Variants in FAM83F observed in about 807,000 individuals in gnomAD.
The protein encoded by FAM83F is protein FAM83F.
FAM83F carries 45 observed loss-of-function variants against 42.9 expected under a neutral mutation model. The ratio of observed to expected loss-of-function variants is 1.05; its 90% CI spans 0.83 to 1.35. The LOEUF is 1.35. Among genes scored for constraint, FAM83F ranks in the 40% most tolerant of loss-of-function variants. The probability of loss-of-function intolerance (pLI) is 0.00; values close to 1 mark genes in which losing one functional copy is unlikely to be tolerated. For synonymous variants in FAM83F, 306 were observed against 298.3 expected, an observed-to-expected ratio of 1.03 and a Z score of -0.27; for missense variants, 617 against 695.9, an observed-to-expected ratio of 0.89 and a Z score of 1.28.
rs1006957195 is a variant in FAM83F, at chr22:40,023,897, G to A, written c.1453+1934G>A. On this transcript the variant is annotated intron_variant, in intron 4 of 4. Transcript: ENST00000333407. This position sits in a 1 kb window ranked among gnomAD's most constrained non-coding sequence, Gnocchi z 4.1. Reference sequence around the variant, plus strand: ...AGACGAACACAGAGCAGCCTCCTCCGGTAAGGCTTCTGCCCACCTGGGTGG... The same window carrying A: ...AGACGAACACAGAGCAGCCTCCTCCAGTAAGGCTTCTGCCCACCTGGGTGG... Among the ~76,000 whole-genome samples the A allele has an allele frequency of 4.5e-4, 69 of 152,274 alleles. No homozygotes were observed. The highest frequency in any genetic ancestry group is 1.4e-3 in the African/African-American group (58 of 41,548).
chr22:40,022,063 T>C lies in FAM83F; in HGVS notation c.1453+100T>C, dbSNP rs2067526673. ...GCACTGCCTCATACCTGCAGAGGAG[T>C]AGATTCCATCTGTGGGCACAGAGAG... On this transcript the variant is annotated intron_variant, in intron 4 of 4. Coordinates refer to ENST00000333407, the MANE Select transcript of FAM83F (RefSeq NM_138435.4). The C allele has an allele frequency of 1.2e-5, 13 of 1,073,916 alleles. No homozygotes were observed. In the South Asian group the frequency reaches 1.8e-4, roughly 15 times the overall value. The allele number at this position is 1,073,916 out of a possible 1,614,324, so 66.5% of individuals were successfully genotyped here. A position where few individuals can be genotyped will look rare whatever the true frequency, so the allele number is the denominator to read the frequency against.
chr22:40,008,221 C>T (rs528378721), intron 1 of FAM83F, among the ~76,000 whole-genome samples: 44 of 152,364 alleles, frequency 2.9e-4, no homozygotes, highest in African/African-American at 7.7e-4. Context: ...AGCAGAGGAA[C>T]GACATCCCCA....
chr22:39,996,336 T>A (rs929454473), intron 1 of FAM83F, among the ~76,000 whole-genome samples: 3 of 152,116 alleles, frequency 2.0e-5, no homozygotes, highest in African/African-American at 7.2e-5. Flanking sequence ...AGCTTCCAGA[T>A]CAAATGTAGG....
At chr22:40,012,965 C>T (rs1601767216) in intron 1 of FAM83F, among the ~76,000 whole-genome samples, 1 of 144,738 alleles carries the variant, frequency 6.9e-6, no homozygotes, top group South Asian at 2.2e-4. Context: ...CACCTGTAGT[C>T]CCAGCTACTC....
At chr22:40,028,086 C>G (rs2145723900) in intron 4 of FAM83F, among the ~76,000 whole-genome samples, 1 of 152,374 alleles carries the variant, frequency 6.6e-6, no homozygotes, top group Middle Eastern at 3.4e-3. Flanking sequence ...CAGAGCCGCC[C>G]CAGACGTGCT....
intron 4 of FAM83F, among the ~76,000 whole-genome samples, chr22:40,026,382 T>A (rs2145723007): frequency 6.6e-6 from 1 of 152,174 alleles, no homozygotes; most frequent in South Asian, 2.1e-4. Context: ...TAGCCAGGCA[T>A]GGTGGCACTT....
At position 39,999,526 on chromosome 22, in the gene FAM83F, C is replaced by T. The variant is rs2958662; in HGVS notation, c.489+3995C>T. ...TTATCACAAACTGTCCAATCTCCTC[C>T]GCACCTCAATAGCTGCGTAAGGCAG... On this transcript the variant is annotated intron_variant, in intron 1 of 4. Transcript: ENST00000333407. Among the ~76,000 whole-genome samples the T allele has an allele frequency of 7.9e-5, 12 of 152,142 alleles. No homozygotes were observed. The East Asian group carries it at 1.9e-3, about 24-fold the overall frequency.
In FAM83F at chr22:40,038,241, G is replaced by A. The variant is rs2146252481; in HGVS notation, c.*8676G>A. The A allele has an allele frequency of 6.6e-6, 1 of 152,476 alleles. No individual in the cohort carries two copies. Among genetic ancestry groups the A allele is most frequent in the Non-Finnish European group, 1.5e-5 (1 of 68,120 alleles). 9.4% of individuals were successfully genotyped at this position (152,476 alleles called of 1,614,324 possible). ...GCACTTAACCTGGGGGAGAAGAACA[G>A]GGTAGGCTTCCTGGAGGAGGAGGTA... On this transcript the variant is annotated 3_prime_UTR_variant, in exon 5 of 5. Coordinates refer to ENST00000333407, the MANE Select transcript of FAM83F (RefSeq NM_138435.4).
At chr22:40,014,131 CTT>C (rs57224519) in intron 1 of FAM83F, among the ~76,000 whole-genome samples, 1 of 116,810 alleles carries the variant, frequency 8.6e-6, no homozygotes, top group Non-Finnish European at 1.7e-5. Context: ...TATTTCTTTT[CTT>C]TTTTTTTTTT....
rs11914082 is a variant in FAM83F at position 40,021,491 on chromosome 22, C to T, written c.981C>T (p.Tyr327=). 4,223 of 1,590,770 alleles carry T rather than the reference C, an allele frequency of 2.7e-3. 86 individuals are homozygous for T. In the African/African-American group the frequency reaches 0.047, roughly 18 times the overall value. Residue 327 remains tyrosine, a synonymous_variant, in exon 4 of 5, where the codon TAC becomes TAT. Transcript: ENST00000333407. The surrounding 1 kb of genome is among the most constrained non-coding windows in gnomAD (Gnocchi z 8.7). ...CTCGAAAGCTTATCAACCCCAAGTACGCCTTGGTGTCAGGCTGCCGCCACC... is the reference window on the plus strand; with the variant it reads ...CTCGAAAGCTTATCAACCCCAAGTATGCCTTGGTGTCAGGCTGCCGCCACC... ...TVARKLINPK[Y]ALVSGCRHPP...
At chr22:40,002,138 G>A (rs1426771638) in intron 1 of FAM83F, among the ~76,000 whole-genome samples, 3 of 152,198 alleles carry the variant, frequency 2.0e-5, no homozygotes, top group Non-Finnish European at 2.9e-5. Flanking sequence ...AGGTGCAGAG[G>A]CTTCCTTGTT....
At position 40,021,273 on chromosome 22, in the gene FAM83F, T is replaced by A. The variant is rs764615099; in HGVS notation, c.780-17T>A. ...CCTGGGCACATGTGTCTTGCTTTTC[T>A]GTCCCCACGTTCCCAGGTTCACCTG... On this transcript the variant is annotated splice_polypyrimidine_tract_variant and intron_variant, in intron 3 of 4. Coordinates refer to ENST00000333407, the MANE Select transcript of FAM83F (RefSeq NM_138435.4). This position sits in a 1 kb window ranked among gnomAD's most constrained non-coding sequence, Gnocchi z 8.7. The A allele has an allele frequency of 6.6e-7, 1 of 1,524,678 alleles. No individual in the cohort carries two copies. Among genetic ancestry groups the A allele is most frequent in the Non-Finnish European group, 8.8e-7 (1 of 1,132,112 alleles). The allele number at this position is 1,524,678 out of a possible 1,614,324, so 94.4% of individuals were successfully genotyped here.
intron 4 of FAM83F, among the ~76,000 whole-genome samples, chr22:40,022,874 C>T (rs2067530178): frequency 6.6e-6 from 1 of 152,226 alleles, no homozygotes. Context: ...TCCAGGACTC[C>T]TGCATTCCTG....
Position 39,995,275 on chromosome 22 carries a change from T to A in FAM83F, c.233T>A (p.Val78Asp). The A allele has an allele frequency of 6.5e-7, 1 of 1,535,118 alleles. No homozygotes were observed. Among genetic ancestry groups the A allele is most frequent in the Non-Finnish European group, 8.7e-7 (1 of 1,145,644 alleles). ...GCCTGGAGCCCCTACGAGGACGCCG[T>A]CCCCGCCGCCAACGCCCGGGGCAAG... is the stretch of plus-strand genomic sequence containing the variant. Reference protein sequence around the residue: ...RAAWSPYEDAVPAANARGKSK... With the variant: ...RAAWSPYEDADPAANARGKSK... The change falls in exon 1 of 5, where the codon GTC becomes GAC. Residue 78 changes from valine (V) to aspartate (D), a missense_variant. Val to Asp is a radical substitution (Grantham distance 152). Transcript: ENST00000333407. This position sits in a 1 kb window ranked among gnomAD's most constrained non-coding sequence, Gnocchi z 4.6.
rs538480596 is a variant in FAM83F, at chr22:40,027,636, A to G, written c.1454-1880A>G. Among the ~76,000 whole-genome samples the G allele has an allele frequency of 6.6e-5, 10 of 152,358 alleles. No homozygotes were observed. The South Asian group carries it at 2.1e-3, about 32-fold the overall frequency. On this transcript the variant is annotated intron_variant, in intron 4 of 4. Coordinates refer to ENST00000333407, the MANE Select transcript of FAM83F (RefSeq NM_138435.4). ...GTGAGCACTCAGGGAATGACAAGGG[A>G]CACAGAGTTTGTCCTCAAGCCAAGC...
chr22:40,025,635 C>G (rs879549078), intron 4 of FAM83F, among the ~76,000 whole-genome samples: 8 of 152,072 alleles, frequency 5.3e-5, no homozygotes, highest in Non-Finnish European at 1.0e-4. Context: ...ATCACTTGAA[C>G]CCAGGAGGCA....
chr22:40,003,641 C>T (rs940662721), intron 1 of FAM83F, among the ~76,000 whole-genome samples: 7 of 152,148 alleles, frequency 4.6e-5, no homozygotes, highest in African/African-American at 7.2e-5. Flanking sequence ...CATGACCAGC[C>T]GGCCTCAGCT....
Position 40,023,205 on chromosome 22 carries a change from G to A in FAM83F, c.1453+1242G>A, listed in dbSNP as rs1277403369. Among the ~76,000 whole-genome samples, 2 of 152,202 alleles carry A rather than the reference G, an allele frequency of 1.3e-5. No homozygotes were observed. Among genetic ancestry groups the A allele is most frequent in the African/African-American group, 4.8e-5 (2 of 41,448 alleles). Reference sequence around the variant, plus strand: ...CAGAGGTGGCAGATGGCTCGGAGAGGTGAATGAAGTGGTCCCAGGTCACAG... The same window carrying A: ...CAGAGGTGGCAGATGGCTCGGAGAGATGAATGAAGTGGTCCCAGGTCACAG... On this transcript the variant is annotated intron_variant, in intron 4 of 4. Coordinates refer to ENST00000333407, the MANE Select transcript of FAM83F (RefSeq NM_138435.4). The surrounding 1 kb of genome is among the most constrained non-coding windows in gnomAD (Gnocchi z 4.1).
Position 40,029,688 on chromosome 22 carries a change from AGCCTCCGTCCTG to A in FAM83F, c.*129_*140del. On this transcript the variant is annotated 3_prime_UTR_variant, in exon 5 of 5. Coordinates refer to ENST00000333407, the MANE Select transcript of FAM83F (RefSeq NM_138435.4). ...GACGCCAACTGGCCTTCTGCCCTGCAGCCTCCGTCCTGGCCTCAGGGACGCTGGATCCCAAAT... is the reference window on the plus strand; with the variant it reads ...GACGCCAACTGGCCTTCTGCCCTGCAGCCTCAGGGACGCTGGATCCCAAAT... 1 of 1,416,446 alleles carries A rather than the reference AGCCTCCGTCCTG, an allele frequency of 7.1e-7. No individual in the cohort carries two copies. The highest frequency in any genetic ancestry group is 2.5e-5 in the East Asian group (1 of 39,442). The allele number at this position is 1,416,446 out of a possible 1,614,324, so 87.7% of individuals were successfully genotyped here.
Sources: allele counts gnomAD v4.1 joint callset (sites outside exome capture counted in the v4.1 genomes callset), GRCh38; gene constraint gnomAD v4.1.1; non-coding constraint Gnocchi (gnomAD v3.1); transcripts MANE v1.5; gene names NCBI Gene and HGNC (gene_info 2026-07-23, HGNC 2026-07-21).